Variants in NEO1 observed in about 807,000 individuals in gnomAD.
NEO1 encodes the protein neogenin 1.
A neutral mutation model predicts 159.7 loss-of-function variants in NEO1; 63 were observed. The ratio of observed to expected loss-of-function variants is 0.39; its 90% CI spans 0.32 to 0.49. NEO1 has a LOEUF of 0.49. Among genes scored for constraint, NEO1 ranks in the 20% least tolerant of loss-of-function variants. The probability of loss-of-function intolerance (pLI) is 0.85; values close to 1 mark genes in which losing one functional copy is unlikely to be tolerated. For missense variants in NEO1, 1,615 were observed against 1,831.0 expected, an observed-to-expected ratio of 0.88 and a Z score of 2.15; for synonymous variants, 633 against 662.0, an observed-to-expected ratio of 0.96 and a Z score of 0.67.
Position 73,288,325 on chromosome 15 carries a change from C to T in NEO1, c.3423C>T (p.Ala1141=), listed in dbSNP as rs1322208594. 13 of 1,612,870 alleles carry T rather than the reference C, an allele frequency of 8.1e-6. No homozygotes were observed. The highest frequency in any genetic ancestry group is 4.5e-5 in the East Asian group (2 of 44,834). Residue 1141 remains alanine (A), a synonymous_variant, in exon 24 of 29, where the codon GCC becomes GCT. Coordinates refer to ENST00000261908, the MANE Select transcript of NEO1 (RefSeq NM_002499.4). The part of the protein sequence containing the change: ...TTSHQKKKRA[A]CKSVNGSHKY... The stretch of plus-strand genomic sequence containing the variant: ...ACTTCGTGCCTAGGAAACGAGCTGC[C>T]TGCAAATCAGTGAATGGCTCTCATA...
At chr15:73,105,806 G>A (rs1482535285) in intron 1 of NEO1, among the ~76,000 whole-genome samples, 2 of 152,116 alleles carry the variant, frequency 1.3e-5, no homozygotes, top group African/African-American at 2.4e-5. Flanking sequence ...GCTGCTTATT[G>A]CATCTCATCA....
At chr15:73,134,028 A>T (rs748146012) in intron 4 of NEO1, among the ~76,000 whole-genome samples, 2 of 152,216 alleles carry the variant, frequency 1.3e-5, no homozygotes, top group Non-Finnish European at 2.9e-5. Context: ...GCTGGGTATC[A>T]TATGTATACA....
intron 7 of NEO1, among the ~76,000 whole-genome samples, chr15:73,196,544 T>C (rs920127652): frequency 1.3e-5 from 2 of 152,260 alleles, no homozygotes; most frequent in African/African-American, 4.8e-5. Flanking sequence ...ACTCAAAACA[T>C]GTAGCCTTGG....
At chr15:73,203,807 G>A (rs1286149700) in intron 7 of NEO1, among the ~76,000 whole-genome samples, 1 of 151,990 alleles carries the variant, frequency 6.6e-6, no homozygotes, top group Non-Finnish European at 1.5e-5. Context: ...CCCATATGCT[G>A]TAGCTACCCA....
At chr15:73,235,257 T>C (rs1185168440) in intron 7 of NEO1, among the ~76,000 whole-genome samples, 2 of 152,198 alleles carry the variant, frequency 1.3e-5, no homozygotes, top group Admixed American at 1.3e-4. Flanking sequence ...TCTCTACATC[T>C]CTCCTACTAA....
At position 73,167,778 on chromosome 15, in the gene NEO1, T is replaced by C. The variant is rs549276531; in HGVS notation, c.1016-8625T>C. ...TCAAAATAAAAATTGATATATAGAA[T>C]ACAATTTTTCAAAGTTAAGAGCTTT... On this transcript the variant is annotated intron_variant, in intron 5 of 28. Transcript: ENST00000261908. Among the ~76,000 whole-genome samples, 32 of 152,274 alleles carry C rather than the reference T, an allele frequency of 2.1e-4. 1 individual carries two copies. The South Asian group carries it at 5.8e-3, about 28-fold the overall frequency.
At chr15:73,296,645 C>T (rs1054923667) in intron 26 of NEO1, among the ~76,000 whole-genome samples, 5 of 152,178 alleles carry the variant, frequency 3.3e-5, no homozygotes, top group Admixed American at 6.5e-5. Flanking sequence ...TCCCCATCTG[C>T]GGGGATACAT....
Position 73,053,858 on chromosome 15 carries a change from A to T in NEO1, c.130+1053A>T, listed in dbSNP as rs199802484. Among the ~76,000 whole-genome samples, 7 of 152,366 alleles carry T rather than the reference A, an allele frequency of 4.6e-5. No individual in the cohort carries two copies. The East Asian group carries it at 1.2e-3, about 25-fold the overall frequency. On this transcript the variant is annotated intron_variant, in intron 1 of 28. Coordinates refer to ENST00000261908, the MANE Select transcript of NEO1 (RefSeq NM_002499.4). ...ACATTTGAAAGCAGTCTTACCGCTG[A>T]ACCAGTACTTGTTTTTCCCTGATTT...
rs1048087955 is a variant in NEO1, at chr15:73,229,092, C to T, written c.1292-7255C>T. ...CTTTTGCATTTCTTCTAGCATTTTGCATTTCTTCTAGCATGTTAATAGTTG... is the reference window on the plus strand; with the variant it reads ...CTTTTGCATTTCTTCTAGCATTTTGTATTTCTTCTAGCATGTTAATAGTTG... On this transcript the variant is annotated intron_variant, in intron 7 of 28. Coordinates refer to ENST00000261908, the MANE Select transcript of NEO1 (RefSeq NM_002499.4). Among the ~76,000 whole-genome samples, 9 of 152,174 alleles carry T rather than the reference C, an allele frequency of 5.9e-5. 1 individual carries two copies. In the South Asian group the frequency reaches 1.9e-3, roughly 32 times the overall value.
rs1252983193 is a variant in NEO1 at position 73,304,881 on chromosome 15, A to G, written c.*2185A>G. ...GGGGGTTTTTTAAAAAATTAAGAAA[A>G]AGGAAAGCTATTCTGTATTGCACCT... On this transcript the variant is annotated 3_prime_UTR_variant, in exon 29 of 29. Coordinates refer to ENST00000261908, the MANE Select transcript of NEO1 (RefSeq NM_002499.4). The G allele has an allele frequency of 6.6e-6, 1 of 152,148 alleles. No individual in the cohort carries two copies. Among genetic ancestry groups the G allele is most frequent in the Admixed American group, 6.5e-5 (1 of 15,282 alleles). The allele number at this position is 152,148 out of a possible 1,614,324, so 9.4% of individuals were successfully genotyped here. A position where few individuals can be genotyped will look rare whatever the true frequency, so the allele number is the denominator to read the frequency against.
chr15:73,111,403 T>G lies in NEO1; in HGVS notation c.131-5137T>G, dbSNP rs146205166. Reference sequence around the variant, plus strand: ...GTATGAATTTATGAATGAAGATGGCTATATTTCTGCTTAAGTAATACTATT... The same window carrying G: ...GTATGAATTTATGAATGAAGATGGCGATATTTCTGCTTAAGTAATACTATT... On this transcript the variant is annotated intron_variant, in intron 1 of 28. Transcript: ENST00000261908. Among the ~76,000 whole-genome samples, 116 of 152,332 alleles carry G rather than the reference T, an allele frequency of 7.6e-4. 1 individual carries two copies. The highest frequency in any genetic ancestry group is 2.7e-3 in the African/African-American group (112 of 41,576).
chr15:73,272,112 T>C (rs780343593), intron 18 of NEO1, among the ~76,000 whole-genome samples: 8 of 152,168 alleles, frequency 5.3e-5, no homozygotes, highest in Non-Finnish European at 1.5e-5. Flanking sequence ...TTTCAAATTT[T>C]CTACAAATAC....
chr15:73,190,832 C>T (rs1596305467), intron 7 of NEO1, among the ~76,000 whole-genome samples: 1 of 151,886 alleles, frequency 6.6e-6, no homozygotes, highest in Non-Finnish European at 1.5e-5. Context: ...GAATATGTAT[C>T]TGCTGTCACT....
intron 1 of NEO1, among the ~76,000 whole-genome samples, chr15:73,087,055 A>G (rs1057192154): frequency 6.6e-6 from 1 of 152,140 alleles, no homozygotes; most frequent in Non-Finnish European, 1.5e-5. Flanking sequence ...AAAAATGGTG[A>G]ATGTGGACAT....
chr15:73,245,372 A>G (rs2039733043), intron 9 of NEO1, among the ~76,000 whole-genome samples: 1 of 152,168 alleles, frequency 6.6e-6, no homozygotes, highest in African/African-American at 2.4e-5. Flanking sequence ...ACTTCTAATT[A>G]CATTTCTAAG....
chr15:73,052,961 G>T (rs1280015892), intron 1 of NEO1, among the ~76,000 whole-genome samples, 156 bp downstream of exon 1: 2 of 151,804 alleles, frequency 1.3e-5, no homozygotes, highest in African/African-American at 4.8e-5. Context: ...CGCGCGTGGT[G>T]GGGAGGAGAA....
intron 1 of NEO1, among the ~76,000 whole-genome samples, chr15:73,065,885 T>A (rs922315409): frequency 2.6e-5 from 4 of 152,192 alleles, no homozygotes; most frequent in Non-Finnish European, 5.9e-5. Context: ...ATTTGTAGCT[T>A]GTCTGCCCTG....
rs2042461578 is a variant in NEO1, at chr15:73,298,348, A to G, written c.3902A>G (p.Glu1301Gly). The change falls in exon 27 of 29, where the codon GAA becomes GGA. Residue 1301 changes from glutamate (E) to glycine (G), a missense_variant and splice_region_variant. By Grantham distance (98) the Glu-to-Gly change is moderately conservative (BLOSUM62 -2). Transcript: ENST00000261908. ...MSLSDRANSTESVRNTPSTDT... is the reference protein window; with the variant it reads ...MSLSDRANSTGSVRNTPSTDT... ...TAACATTTAGACTTTCCTGCTGTAG[A>G]ATCCGTTCGAAATACCCCCAGCACT... 1 of 1,613,698 alleles carries G rather than the reference A, an allele frequency of 6.2e-7. No homozygotes were observed. Among genetic ancestry groups the G allele is most frequent in the South Asian group, 1.1e-5 (1 of 91,082 alleles).
At chr15:73,228,361 GT>G (rs1458883952) in intron 7 of NEO1, among the ~76,000 whole-genome samples, 1 of 145,616 alleles carries the variant, frequency 6.9e-6, no homozygotes, top group Non-Finnish European at 1.5e-5. Flanking sequence ...CTTATTCTAT[GT>G]TTTCTTTGAT....
Sources: gnomAD v4.1 joint callset for allele counts (sites outside exome capture counted in the v4.1 genomes callset) on GRCh38, gnomAD v4.1.1 for gene constraint, MANE v1.5 for transcripts, NCBI Gene and HGNC (gene_info 2026-07-23, HGNC 2026-07-21) for gene names.